The following DNER variants were observed in gnomAD, a reference collection of about 807,000 sequenced individuals.
DNER encodes delta and Notch-like epidermal growth factor-related receptor.
In DNER, 33 loss-of-function variants were observed where a neutral mutation model predicts 78.2. That is an observed-to-expected ratio of 0.42 (90% CI 0.32 to 0.56). DNER has a LOEUF of 0.56. DNER is among the 20% of genes least tolerant of loss of function. DNER has a pLI of 0.11. For synonymous variants in DNER, 417 were observed against 384.8 expected (o/e 1.08, Z -0.98); for missense variants, 918 against 975.3 (o/e 0.94, Z 0.78).
At chr2:229,369,675 C>T (rs922458944) in intron 11 of DNER, among the ~76,000 whole-genome samples, 5 of 152,014 alleles carry the variant, frequency 3.3e-5, no homozygotes, top group African/African-American at 1.2e-4. Flanking sequence ...AAGCACCAAC[C>T]TGTATTAGCA....
At chr2:229,615,411 T>TAA (rs765871543) in intron 1 of DNER, among the ~76,000 whole-genome samples, 4 of 116,548 alleles carry the variant, frequency 3.4e-5, no homozygotes, top group Non-Finnish European at 1.8e-5. Context: ...AACTCCGTCT[T>TAA]AAAAAAAAAA....
chr2:229,611,284 A>C (rs1460908565), intron 1 of DNER, among the ~76,000 whole-genome samples: 3 of 152,266 alleles, frequency 2.0e-5, no homozygotes, highest in Non-Finnish European at 4.4e-5. Context: ...CTTAATAAAA[A>C]GAACCATTAG....
At chr2:229,523,779 C>T (rs1696149249) in intron 5 of DNER, among the ~76,000 whole-genome samples, 1 of 152,226 alleles carries the variant, frequency 6.6e-6, no homozygotes, top group Non-Finnish European at 1.5e-5. Context: ...TGTATTCAGC[C>T]TCTTATCCTA....
chr2:229,675,233 T>C (rs1574558223), intron 1 of DNER, among the ~76,000 whole-genome samples: 1 of 152,136 alleles, frequency 6.6e-6, no homozygotes, highest in Non-Finnish European at 1.5e-5. Context: ...AGGGGCCGCG[T>C]TGGTTTCACA....
At chr2:229,678,836 CAGAAAG>C (rs1479224983) in intron 1 of DNER, among the ~76,000 whole-genome samples, 1 of 152,172 alleles carries the variant, frequency 6.6e-6, no homozygotes, top group Non-Finnish European at 1.5e-5. Context: ...AAGTGATTGA[CAGAAAG>C]ATACCTACAG....
intron 1 of DNER, among the ~76,000 whole-genome samples, chr2:229,664,401 G>A (rs1163279551): frequency 6.6e-6 from 1 of 152,150 alleles, no homozygotes; most frequent in East Asian, 1.9e-4. Flanking sequence ...CCAGCACTGC[G>A]GGAGGCCAAG....
chr2:229,387,568 A>AG (rs1692915801), intron 11 of DNER, among the ~76,000 whole-genome samples: 4 of 144,776 alleles, frequency 2.8e-5, no homozygotes, highest in African/African-American at 1.0e-4. Flanking sequence ...AGAAAGAAAG[A>AG]AAAGAAAGAA....
intron 1 of DNER, among the ~76,000 whole-genome samples, chr2:229,695,372 T>G (rs1232618920): frequency 1.3e-5 from 2 of 151,362 alleles, no homozygotes; most frequent in East Asian, 3.9e-4. Flanking sequence ...TTCATGTAAG[T>G]AACTGAACAC....
At position 229,714,500 on chromosome 2, in the gene DNER, C is replaced by CG. The variant is rs1290913208; in HGVS notation, c.-78dup. ...GCGGTGGCAGTGGCGACGAGAGCTG[C>CG]GAGAGCGACGGTGGCGGCTAGGGCT... On this transcript the variant is annotated 5_prime_UTR_variant, in exon 1 of 13. Coordinates refer to ENST00000341772, the MANE Select transcript of DNER (RefSeq NM_139072.4). 43 of 1,072,500 alleles carry CG rather than the reference C, an allele frequency of 4.0e-5. No homozygotes were observed. In the Middle Eastern group the frequency reaches 1.3e-3, roughly 32 times the overall value. The allele number at this position is 1,072,500 out of a possible 1,614,324, so 66.4% of individuals were successfully genotyped here.
intron 1 of DNER, among the ~76,000 whole-genome samples, chr2:229,612,763 TAG>T (rs1698072816): frequency 6.6e-6 from 1 of 152,212 alleles, no homozygotes; most frequent in Non-Finnish European, 1.5e-5. Context: ...ACCTAACATC[TAG>T]AGTCTGTGAT....
At chr2:229,524,465 G>A (rs943515913) in intron 5 of DNER, among the ~76,000 whole-genome samples, 2 of 152,196 alleles carry the variant, frequency 1.3e-5, no homozygotes, top group African/African-American at 4.8e-5. Context: ...AAAGGAGTCA[G>A]TGCAGACATG....
chr2:229,602,924 G>A (rs952453863), intron 1 of DNER, among the ~76,000 whole-genome samples: 6 of 152,252 alleles, frequency 3.9e-5, no homozygotes, highest in South Asian at 2.1e-4. Flanking sequence ...GCACAGACAC[G>A]CTTGAATAAG....
At chr2:229,631,089 G>T (rs1212467994) in intron 1 of DNER, among the ~76,000 whole-genome samples, 1 of 152,202 alleles carries the variant, frequency 6.6e-6, no homozygotes, top group Non-Finnish European at 1.5e-5. Flanking sequence ...GAATAGCACT[G>T]TGACAAACAT....
chr2:229,385,565 A>G (rs1692845421), intron 11 of DNER, among the ~76,000 whole-genome samples: 1 of 152,238 alleles, frequency 6.6e-6, no homozygotes. Context: ...TTGTATATTT[A>G]GAAAGCCCCA....
chr2:229,630,482 TAA>T (rs1292821003), intron 1 of DNER, among the ~76,000 whole-genome samples: 929 of 75,570 alleles, frequency 0.012, 10 homozygotes, highest in African/African-American at 0.074. Flanking sequence ...CATCTCAAAA[TAA>T]TAATAATAAT....
chr2:229,677,839 A>G (rs905351609), intron 1 of DNER, among the ~76,000 whole-genome samples: 1 of 152,184 alleles, frequency 6.6e-6, no homozygotes, highest in Non-Finnish European at 1.5e-5. Flanking sequence ...CCATGAGCTC[A>G]TGATTGTTCT....
chr2:229,366,817 G>A, intron 12 of DNER, 56 bp downstream of exon 12: 1 of 1,606,430 alleles, frequency 6.2e-7, no homozygotes, highest in Non-Finnish European at 8.5e-7. Context: ...ATATGACCCT[G>A]TTCCCAAGAA....
intron 1 of DNER, among the ~76,000 whole-genome samples, chr2:229,609,325 A>C (rs1559181554): frequency 6.6e-6 from 1 of 152,182 alleles, no homozygotes; most frequent in African/African-American, 2.4e-5. Flanking sequence ...CCACAGGCCA[A>C]ATCTGACCTG....
At chr2:229,528,943 G>A (rs1321814282) in intron 5 of DNER, among the ~76,000 whole-genome samples, 1 of 152,192 alleles carries the variant, frequency 6.6e-6, no homozygotes, top group African/African-American at 2.4e-5. Flanking sequence ...CTTCCTACCA[G>A]GGCATAGCAG....
Sources: gnomAD v4.1 joint callset for allele counts (sites outside exome capture counted in the v4.1 genomes callset) on GRCh38, gnomAD v4.1.1 for gene constraint, MANE v1.5 for transcripts, NCBI Gene and HGNC (gene_info 2026-07-23, HGNC 2026-07-21) for gene names.